FOXN3: variants seen among roughly 807,000 people sequenced by gnomAD.
FOXN3 encodes the protein forkhead box protein N3.
In FOXN3, 7 loss-of-function variants were observed where a neutral mutation model predicts 38.4. That is an observed-to-expected ratio of 0.18 (90% CI 0.10 to 0.34). The LOEUF (loss-of-function observed/expected upper bound fraction) is 0.34. Among genes scored for constraint, FOXN3 ranks in the 10% least tolerant of loss-of-function variants. The pLI is 1.00. For synonymous variants in FOXN3, 230 were observed against 242.2 expected (o/e 0.95, Z 0.47); for missense variants, 456 against 613.4 (o/e 0.74, Z 2.71).
At chr14:89,367,642 G>A (rs1167587005) in intron 2 of FOXN3, among the ~76,000 whole-genome samples, 3 of 152,078 alleles carry the variant, frequency 2.0e-5, no homozygotes, top group African/African-American at 7.2e-5. Flanking sequence ...TTGGACGCAG[G>A]GGATAAATTC....
At chr14:89,433,215 G>A (rs1892199723) in intron 1 of FOXN3, among the ~76,000 whole-genome samples, 1 of 152,116 alleles carries the variant, frequency 6.6e-6, no homozygotes, top group Admixed American at 6.5e-5. Context: ...TGGGCACGGT[G>A]GCTCACACCT....
intron 2 of FOXN3, among the ~76,000 whole-genome samples, chr14:89,363,961 T>TATATATATATATATA (rs1555421702): frequency 2.0e-4 from 3 of 14,676 alleles, no homozygotes; most frequent in East Asian, 2.5e-3. Flanking sequence ...TATATATATA[T>TATATATATATATATA]ATATATATAT....
upstream of FOXN3, among the ~76,000 whole-genome samples, chr14:89,421,111 G>T: frequency 6.7e-6 from 1 of 148,656 alleles, no homozygotes; most frequent in Non-Finnish European, 1.5e-5. Flanking sequence ...TTTTTTGTGT[G>T]CTTCTTTCAT....
At chr14:89,598,234 C>T (rs927431926) in intron 1 of FOXN3, among the ~76,000 whole-genome samples, 2 of 151,980 alleles carry the variant, frequency 1.3e-5, no homozygotes, top group African/African-American at 4.8e-5. Context: ...ATGTTATTCC[C>T]TACATATTTT....
intron 3 of FOXN3, among the ~76,000 whole-genome samples, chr14:89,318,206 TG>T (rs1475198577): frequency 1.4e-5 from 2 of 144,358 alleles, no homozygotes; most frequent in African/African-American, 2.6e-5. Flanking sequence ...TTGCCCAGGC[TG>T]GAGTGCAATG....
At chr14:89,489,235 C>CCA (rs1403937676) in intron 1 of FOXN3, among the ~76,000 whole-genome samples, 1 of 152,114 alleles carries the variant, frequency 6.6e-6, no homozygotes, top group Admixed American at 6.5e-5. Flanking sequence ...CTGACCTACC[C>CCA]CACCTTCTTG....
chr14:89,360,774 T>TCCACCACCACCA (rs1299216998), intron 2 of FOXN3, among the ~76,000 whole-genome samples: 1 of 34,602 alleles, frequency 2.9e-5, no homozygotes, highest in East Asian at 1.0e-3. Context: ...CACTACCACC[T>TCCACCACCACCA]CCACCACCAC....
At chr14:89,267,615 A>G (rs1886024023) in intron 4 of FOXN3, among the ~76,000 whole-genome samples, 1 of 152,216 alleles carries the variant, frequency 6.6e-6, no homozygotes. Flanking sequence ...TAATTGAGTA[A>G]AGAAAATCCA....
intron 4 of FOXN3, among the ~76,000 whole-genome samples, chr14:89,261,497 TAAG>T (rs1326892033): frequency 2.6e-5 from 4 of 152,140 alleles, no homozygotes; most frequent in Non-Finnish European, 4.4e-5. Context: ...CTGAATATAT[TAAG>T]AAGAGAAGGA....
intron 2 of FOXN3, among the ~76,000 whole-genome samples, chr14:89,352,279 C>A (rs111297703): frequency 6.6e-6 from 1 of 152,250 alleles, no homozygotes; most frequent in African/African-American, 2.4e-5. Flanking sequence ...TTTTTCCTTT[C>A]ACGCACACAT....
chr14:89,579,878 C>A (rs12436544), intron 1 of FOXN3, among the ~76,000 whole-genome samples: 9,673 of 151,986 alleles, frequency 0.064, 992 homozygotes, highest in African/African-American at 0.22. Flanking sequence ...TAGAAGGAAC[C>A]CCGACTCTCT....
At chr14:89,498,893 G>A (rs369931378) in intron 1 of FOXN3, among the ~76,000 whole-genome samples, 3 of 152,136 alleles carry the variant, frequency 2.0e-5, no homozygotes, top group South Asian at 2.1e-4. Context: ...GACGCTTTGC[G>A]ATGAAAAGCT....
At chr14:89,525,617 A>T (rs2139827970) in intron 1 of FOXN3, among the ~76,000 whole-genome samples, 1 of 146,532 alleles carries the variant, frequency 6.8e-6, no homozygotes, top group Non-Finnish European at 1.5e-5. Context: ...TATCTCCAAT[A>T]AACTTGTTTT....
chr14:89,227,797 G>A (rs996288124), intron 4 of FOXN3, among the ~76,000 whole-genome samples: 3 of 152,218 alleles, frequency 2.0e-5, no homozygotes, highest in Non-Finnish European at 2.9e-5. Flanking sequence ...GGGCTGGTGA[G>A]GGCAGGTGCT....
intron 2 of FOXN3, among the ~76,000 whole-genome samples, chr14:89,362,770 A>T (rs868804091): frequency 2.9e-4 from 11 of 37,318 alleles, no homozygotes; most frequent in African/African-American, 6.0e-4. Flanking sequence ...CACCACCACC[A>T]CCACCACCAC....
In FOXN3 at chr14:89,568,917, G is replaced by A. The variant is rs115365755; in HGVS notation, c.-15+50111C>T. The stretch of plus-strand genomic sequence containing the variant: ...TGAGTTATGATTATGTTTAAAAGGC[G>A]CCATTGGCCGGGCACGGTGGCTCAC... On this transcript the variant is annotated intron_variant, in intron 1 of 6. Transcript: ENST00000345097. Among the ~76,000 whole-genome samples the A allele has an allele frequency of 7.9e-3, 1,202 of 151,970 alleles. 13 individuals carry two copies. The highest frequency in any genetic ancestry group is 0.025 in the African/African-American group (1,043 of 41,508).
chr14:89,214,307 CA>C (rs1269335680), intron 4 of FOXN3, among the ~76,000 whole-genome samples: 2 of 152,216 alleles, frequency 1.3e-5, no homozygotes, highest in African/African-American at 4.8e-5. Flanking sequence ...TTTGTACGTG[CA>C]AGTCCCTACT....
intron 1 of FOXN3, among the ~76,000 whole-genome samples, chr14:89,536,927 A>G (rs1285663165): frequency 6.6e-6 from 1 of 152,210 alleles, no homozygotes; most frequent in Non-Finnish European, 1.5e-5. Context: ...AGAAGTATAA[A>G]ATCCAAATTC....
chr14:89,610,189 T>G (rs1232458815), intron 1 of FOXN3, among the ~76,000 whole-genome samples: 1 of 152,176 alleles, frequency 6.6e-6, no homozygotes, highest in Non-Finnish European at 1.5e-5. Context: ...GCTGATGTCC[T>G]GGGCACATGG....
Sources: allele counts gnomAD v4.1 joint callset (sites outside exome capture counted in the v4.1 genomes callset), GRCh38; gene constraint gnomAD v4.1.1; transcripts MANE v1.5; gene names NCBI Gene and HGNC (gene_info 2026-07-23, HGNC 2026-07-21).